MAST4: variants seen among roughly 807,000 people sequenced by gnomAD.
MAST4 encodes microtubule-associated serine/threonine-protein kinase 4.
MAST4 carries 89 observed loss-of-function variants against 162.7 expected under a neutral mutation model. The observed-to-expected ratio is 0.55, with a 90% CI of 0.46 to 0.65. The LOEUF (loss-of-function observed/expected upper bound fraction) is 0.65. Ranked by LOEUF, MAST4 falls within the 30% of genes least tolerant of loss-of-function variation. MAST4 has a pLI of 0.00. For missense variants in MAST4, 3,153 were observed against 3,374.0 expected (o/e 0.93, Z 1.62); for synonymous variants, 1,479 against 1,361.1 (o/e 1.09, Z -1.91).
At chr5:67,041,425 A>G (rs532114642) in intron 4 of MAST4, among the ~76,000 whole-genome samples, 2 of 152,200 alleles carry the variant, frequency 1.3e-5, no homozygotes, top group Non-Finnish European at 2.9e-5. Flanking sequence ...AACCTCTTGT[A>G]TGAAAACGAA....
At chr5:67,100,669 T>C in intron 8 of MAST4, 77 bp downstream of exon 8, 1 of 1,552,680 alleles carries the variant, frequency 6.4e-7, no homozygotes, top group Non-Finnish European at 8.8e-7. Context: ...ACTTCGGTCC[T>C]TTAGGTCATA....
At chr5:67,019,804 G>T (rs997053738) in intron 4 of MAST4, among the ~76,000 whole-genome samples, 4 of 152,176 alleles carry the variant, frequency 2.6e-5, no homozygotes, top group Middle Eastern at 3.4e-3. Context: ...TTGAAAGTTG[G>T]GTATATAGAG....
chr5:66,707,094 G>T (rs1226823206), intron 1 of MAST4, among the ~76,000 whole-genome samples: 1 of 152,154 alleles, frequency 6.6e-6, no homozygotes, highest in African/African-American at 2.4e-5. Flanking sequence ...CTGCAGAGAG[G>T]CCCTCCCTGT....
chr5:66,971,870 A>G (rs1381979725), intron 4 of MAST4, among the ~76,000 whole-genome samples: 1 of 152,144 alleles, frequency 6.6e-6, no homozygotes, highest in Non-Finnish European at 1.5e-5. Flanking sequence ...AACATTTAAA[A>G]TATGGATACA....
At chr5:66,660,988 T>G (rs554207030) in intron 1 of MAST4, among the ~76,000 whole-genome samples, 99 of 152,338 alleles carry the variant, frequency 6.5e-4, no homozygotes, top group Non-Finnish European at 1.2e-3. Flanking sequence ...ATGTGAAAAA[T>G]CACATGTTAG....
chr5:66,723,442 T>C (rs1338653817), intron 1 of MAST4, among the ~76,000 whole-genome samples: 2 of 152,210 alleles, frequency 1.3e-5, no homozygotes, highest in Admixed American at 1.3e-4. Flanking sequence ...TAGACTATAA[T>C]TGCTGAAAGA....
chr5:66,662,158 C>T (rs1052254946), intron 1 of MAST4, among the ~76,000 whole-genome samples: 1 of 151,656 alleles, frequency 6.6e-6, no homozygotes, highest in Admixed American at 6.6e-5. Context: ...ACATCTCTGC[C>T]TTCATAGAGC....
intron 1 of MAST4, among the ~76,000 whole-genome samples, chr5:66,666,831 C>T (rs916875713): frequency 1.3e-5 from 2 of 152,210 alleles, no homozygotes; most frequent in African/African-American, 4.8e-5. Context: ...TTGGAATAAA[C>T]TTTTGGCATA....
At chr5:66,919,738 C>G (rs142421564) in intron 4 of MAST4, among the ~76,000 whole-genome samples, 2,987 of 151,468 alleles carry the variant, frequency 0.02, 37 homozygotes, top group Non-Finnish European at 0.031. Context: ...CTAATAGGCA[C>G]TTTATTTACC....
chr5:66,904,441 A>G (rs1763211479), intron 4 of MAST4, among the ~76,000 whole-genome samples: 2 of 152,226 alleles, frequency 1.3e-5, no homozygotes, highest in Admixed American at 6.5e-5. Flanking sequence ...ATGTCTCCGT[A>G]TAGAGAAGAA....
intron 6 of MAST4, chr5:67,093,543 A>T (rs1764097604): frequency 1.5e-5 from 6 of 393,318 alleles, no homozygotes; most frequent in Admixed American, 1.3e-4. Context: ...AGGGAACTTT[A>T]TGAGTTGTAA....
chr5:67,022,042 C>A (rs1370990191), intron 4 of MAST4, among the ~76,000 whole-genome samples: 1 of 152,124 alleles, frequency 6.6e-6, no homozygotes, highest in African/African-American at 2.4e-5. Flanking sequence ...AGCATTCATT[C>A]CAACATGTTG....
chr5:66,924,088 G>C (rs1261342962), intron 4 of MAST4, among the ~76,000 whole-genome samples: 3 of 152,094 alleles, frequency 2.0e-5, no homozygotes, highest in Admixed American at 1.3e-4. Flanking sequence ...TTTTCTCCTT[G>C]TTGCCATCTC....
At chr5:67,039,990 T>TAC (rs1457070326) in intron 4 of MAST4, among the ~76,000 whole-genome samples, 1 of 150,866 alleles carries the variant, frequency 6.6e-6, no homozygotes, top group Admixed American at 6.6e-5. Flanking sequence ...TGTGTGTGTA[T>TAC]ATATATATAA....
intron 3 of MAST4, among the ~76,000 whole-genome samples, chr5:66,814,985 T>G (rs1051562041): frequency 1.3e-5 from 2 of 152,188 alleles, no homozygotes; most frequent in Admixed American, 1.3e-4. Flanking sequence ...ATTTGAATTA[T>G]GTTCTGAAAA....
intron 4 of MAST4, among the ~76,000 whole-genome samples, chr5:66,914,433 G>A (rs1248883365): frequency 6.6e-6 from 1 of 152,184 alleles, no homozygotes; most frequent in African/African-American, 2.4e-5. Flanking sequence ...GACGTAGTTG[G>A]GTGGGTGGTT....
rs543153318 is a variant in MAST4, at chr5:66,986,232, C to T, written c.675-68172C>T. Reference sequence around the variant, plus strand: ...GTCACAGTGGGAGCAGAGTGCAGGGCAGGTCCCTGGGGAGCACAGAGCTGG... The same window carrying T: ...GTCACAGTGGGAGCAGAGTGCAGGGTAGGTCCCTGGGGAGCACAGAGCTGG... On this transcript the variant is annotated intron_variant, in intron 4 of 28. Transcript: ENST00000403625. 6.6e-5 allele frequency among the ~76,000 whole-genome samples: 10 copies of T among 152,188 alleles called. No individual in the cohort carries two copies. The South Asian group carries it at 2.1e-3, about 32-fold the overall frequency.
chr5:67,088,038 A>G (rs1046642672), intron 5 of MAST4, among the ~76,000 whole-genome samples: 1 of 152,192 alleles, frequency 6.6e-6, no homozygotes, highest in Non-Finnish European at 1.5e-5. Context: ...GCAGAGTTAA[A>G]TTCACCTCTT....
intron 1 of MAST4, among the ~76,000 whole-genome samples, chr5:66,638,510 A>G (rs1477690014): frequency 6.6e-6 from 1 of 152,210 alleles, no homozygotes; most frequent in Non-Finnish European, 1.5e-5. Context: ...AAATATTTCT[A>G]TATACATAAT....
Sources: gnomAD v4.1 joint callset for allele counts (sites outside exome capture counted in the v4.1 genomes callset) on GRCh38, gnomAD v4.1.1 for gene constraint, MANE v1.5 for transcripts, NCBI Gene and HGNC (gene_info 2026-07-23, HGNC 2026-07-21) for gene names.